The following SCFD2 variants were observed in gnomAD, a reference collection of about 807,000 sequenced individuals.
The protein encoded by SCFD2 is sec1 family domain-containing protein 2.
In SCFD2, 54 loss-of-function variants were observed where a neutral mutation model predicts 58.9. That is an observed-to-expected ratio of 0.92 (90% CI 0.74 to 1.15). The LOEUF is 1.15. Among genes scored for constraint, SCFD2 ranks in the 50% most tolerant of loss-of-function variants. SCFD2 has a pLI of 0.00. For missense variants in SCFD2, 805 were observed against 836.6 expected (o/e 0.96, Z 0.47); for synonymous variants, 321 against 335.9 (o/e 0.96, Z 0.49).
At chr4:53,248,709 C>G (rs947234392) in intron 4 of SCFD2, among the ~76,000 whole-genome samples, 1 of 152,122 alleles carries the variant, frequency 6.6e-6, no homozygotes, top group Admixed American at 6.5e-5. Flanking sequence ...TGGAGTAGAC[C>G]TCTAGCAAAC....
chr4:53,094,108 A>G (rs892566156), intron 5 of SCFD2, among the ~76,000 whole-genome samples: 1 of 151,974 alleles, frequency 6.6e-6, no homozygotes, highest in African/African-American at 2.4e-5. Context: ...AAGTCACATA[A>G]CCTTTTGAGC....
chr4:53,300,044 C>T (rs1482044514), intron 3 of SCFD2, among the ~76,000 whole-genome samples: 1 of 152,100 alleles, frequency 6.6e-6, no homozygotes, highest in Admixed American at 6.5e-5. Context: ...CATCAACTAA[C>T]GAGCAAAAAA....
At chr4:53,195,164 C>A (rs1354512489) in intron 4 of SCFD2, among the ~76,000 whole-genome samples, 4 of 152,004 alleles carry the variant, frequency 2.6e-5, no homozygotes, top group African/African-American at 4.8e-5. Flanking sequence ...ATCCCAGCTT[C>A]GTCAATTTAA....
At chr4:53,249,770 A>G (rs1730281537) in intron 4 of SCFD2, among the ~76,000 whole-genome samples, 1 of 152,244 alleles carries the variant, frequency 6.6e-6, no homozygotes, top group Non-Finnish European at 1.5e-5. Context: ...TGTCACCACC[A>G]GGCCTGCCCT....
intron 5 of SCFD2, among the ~76,000 whole-genome samples, chr4:53,055,797 A>C (rs1723320319): frequency 6.6e-6 from 1 of 152,138 alleles, no homozygotes; most frequent in South Asian, 2.1e-4. Flanking sequence ...TCTTGGGCAC[A>C]GTATATTTAG....
intron 4 of SCFD2, among the ~76,000 whole-genome samples, chr4:53,247,127 G>A (rs1033136834): frequency 6.6e-6 from 1 of 151,804 alleles, no homozygotes; most frequent in Non-Finnish European, 1.5e-5. Context: ...AAGAAGACAT[G>A]CATGTGGCCA....
chr4:53,230,478 T>A (rs1729399379), intron 4 of SCFD2, among the ~76,000 whole-genome samples: 1 of 152,064 alleles, frequency 6.6e-6, no homozygotes, highest in African/African-American at 2.4e-5. Context: ...TGTAGGGACA[T>A]GGATGAAGCT....
intron 8 of SCFD2, among the ~76,000 whole-genome samples, chr4:52,884,435 C>G (rs1324698869): frequency 6.6e-6 from 1 of 152,122 alleles, no homozygotes; most frequent in African/African-American, 2.4e-5. Context: ...GAAGACATCC[C>G]CAGGCTCTCT....
At chr4:52,904,228 G>A (rs1719292271) in intron 7 of SCFD2, among the ~76,000 whole-genome samples, 1 of 152,218 alleles carries the variant, frequency 6.6e-6, no homozygotes, top group South Asian at 2.1e-4. Context: ...CTCAGCTAGA[G>A]CCTTTCAAGT....
At chr4:53,070,865 C>A (rs1251081473) in intron 5 of SCFD2, among the ~76,000 whole-genome samples, 2 of 152,098 alleles carry the variant, frequency 1.3e-5, no homozygotes, top group African/African-American at 4.8e-5. Context: ...AAAATATATA[C>A]CCATATTTTA....
At chr4:53,249,924 T>A (rs1270608594) in intron 4 of SCFD2, among the ~76,000 whole-genome samples, 1 of 152,194 alleles carries the variant, frequency 6.6e-6, no homozygotes, top group African/African-American at 2.4e-5. Context: ...AACATCATAA[T>A]GACAGGATCA....
intron 3 of SCFD2, 150 bp downstream of exon 3, chr4:53,313,486 G>C (rs187426166): frequency 2.5e-6 from 2 of 785,998 alleles, no homozygotes; most frequent in African/African-American, 3.5e-5. Flanking sequence ...CAAGGGCAGC[G>C]TGCACATATT....
intron 5 of SCFD2, among the ~76,000 whole-genome samples, chr4:53,020,739 A>G (rs1449535170): frequency 6.6e-6 from 1 of 152,140 alleles, no homozygotes; most frequent in Non-Finnish European, 1.5e-5. Flanking sequence ...GAAATACACC[A>G]CCGCCACACA....
intron 2 of SCFD2, among the ~76,000 whole-genome samples, chr4:53,322,147 T>C (rs1306839631): frequency 6.6e-6 from 1 of 152,092 alleles, no homozygotes; most frequent in Non-Finnish European, 1.5e-5. Flanking sequence ...CCAAATGGCT[T>C]GGGATTCTAA....
intron 4 of SCFD2, among the ~76,000 whole-genome samples, chr4:53,175,252 A>T (rs1214906924): frequency 6.6e-6 from 1 of 152,210 alleles, no homozygotes; most frequent in Non-Finnish European, 1.5e-5. Flanking sequence ...AAAGCCATGT[A>T]ATGTGATATC....
chr4:53,079,806 A>G (rs1407874699), intron 5 of SCFD2, among the ~76,000 whole-genome samples: 2 of 152,216 alleles, frequency 1.3e-5, no homozygotes, highest in Non-Finnish European at 2.9e-5. Context: ...CAAAAGCATG[A>G]GAAAGTCACT....
chr4:53,162,079 T>C (rs1221980328), intron 4 of SCFD2, among the ~76,000 whole-genome samples: 1 of 152,146 alleles, frequency 6.6e-6, no homozygotes, highest in Admixed American at 6.5e-5. Flanking sequence ...CTTGGTAAAT[T>C]CTGCCCCTAA....
At chr4:53,050,574 C>T (rs543005438) in intron 5 of SCFD2, among the ~76,000 whole-genome samples, 1 of 152,272 alleles carries the variant, frequency 6.6e-6, no homozygotes, top group East Asian at 1.9e-4. Flanking sequence ...GAAGAAAGAA[C>T]AAAAACCAGG....
chr4:53,087,634 A>G (rs1391071400), intron 5 of SCFD2, among the ~76,000 whole-genome samples: 1 of 147,950 alleles, frequency 6.8e-6, no homozygotes, highest in African/African-American at 2.5e-5. Flanking sequence ...TGCCTGGCCA[A>G]AGCTATTTCT....
Sources: gnomAD v4.1 joint callset for allele counts (sites outside exome capture counted in the v4.1 genomes callset) on GRCh38, gnomAD v4.1.1 for gene constraint, MANE v1.5 for transcripts, NCBI Gene and HGNC (gene_info 2026-07-23, HGNC 2026-07-21) for gene names.